CNTNAP2: variants seen among roughly 807,000 people sequenced by gnomAD.
CNTNAP2 encodes contactin associated protein 2, also known as contactin-associated protein-like 2.
In CNTNAP2, 98 loss-of-function variants were observed where a neutral mutation model predicts 155.2. The ratio of observed to expected loss-of-function variants is 0.63; its 90% CI spans 0.54 to 0.75. The LOEUF is 0.75. Ranked by LOEUF, CNTNAP2 falls within the 30% of genes least tolerant of loss-of-function variation. The pLI is 0.00. For synonymous variants in CNTNAP2, 651 were observed against 631.2 expected (o/e 1.03, Z -0.47); for missense variants, 1,727 against 1,688.1 (o/e 1.02, Z -0.40).
chr7:146,573,686 T>C (rs1217081894), intron 1 of CNTNAP2, among the ~76,000 whole-genome samples: 1 of 152,174 alleles, frequency 6.6e-6, no homozygotes, highest in Non-Finnish European at 1.5e-5. Flanking sequence ...AGTCAGTTAT[T>C]TTTACTTATC....
At chr7:146,236,931 G>A (rs1023444107) in intron 1 of CNTNAP2, among the ~76,000 whole-genome samples, 1 of 152,136 alleles carries the variant, frequency 6.6e-6, no homozygotes, top group Admixed American at 6.6e-5. Flanking sequence ...TTTCAGGGTT[G>A]AACAATGAGG....
chr7:147,061,119 G>A (rs1020266379), intron 4 of CNTNAP2, among the ~76,000 whole-genome samples: 3 of 140,208 alleles, frequency 2.1e-5, no homozygotes, highest in African/African-American at 9.4e-5. Flanking sequence ...GCCAGGGGCC[G>A]GGGAGGAAGA....
At chr7:146,915,542 A>G (rs1196182675) in intron 3 of CNTNAP2, among the ~76,000 whole-genome samples, 1 of 151,412 alleles carries the variant, frequency 6.6e-6, no homozygotes, top group Non-Finnish European at 1.5e-5. Flanking sequence ...TTGATTAAGT[A>G]TATTCTAAGT....
rs187843609 is a variant in CNTNAP2, at chr7:147,095,123, G to A, written c.551-13024G>A. Reference sequence around the variant, plus strand: ...CAACCTTCGTCTACCGGGTTCAAGCGATTCTCCTGCCTGAGCCTCCCGAGT... The same window carrying A: ...CAACCTTCGTCTACCGGGTTCAAGCAATTCTCCTGCCTGAGCCTCCCGAGT... On this transcript the variant is annotated intron_variant, in intron 4 of 23. Transcript: ENST00000361727. 6.6e-5 allele frequency among the ~76,000 whole-genome samples: 10 copies of A among 151,468 alleles called. No homozygotes were observed. The East Asian group carries it at 9.8e-4, about 15-fold the overall frequency.
rs559653916 is a variant in CNTNAP2, at chr7:148,249,559, C to T, written c.3382-17474C>T. The stretch of plus-strand genomic sequence containing the variant: ...ATGAACTGCCGACTCACACACCAAA[C>T]TGACTCCCAGATATCTAACTGATTC... On this transcript the variant is annotated intron_variant, in intron 20 of 23. Coordinates refer to ENST00000361727, the MANE Select transcript of CNTNAP2 (RefSeq NM_014141.6). Among the ~76,000 whole-genome samples, 9 of 152,338 alleles carry T rather than the reference C, an allele frequency of 5.9e-5. No individual in the cohort carries two copies. The South Asian group carries it at 1.7e-3, about 28-fold the overall frequency.
At chr7:147,516,916 C>T (rs1799139317) in intron 11 of CNTNAP2, among the ~76,000 whole-genome samples, 1 of 144,558 alleles carries the variant, frequency 6.9e-6, no homozygotes, top group Admixed American at 7.2e-5. Flanking sequence ...GGATGCAGTG[C>T]AGTGGCGCAA....
intron 1 of CNTNAP2, among the ~76,000 whole-genome samples, chr7:146,723,404 T>A (rs1379049350): frequency 1.3e-5 from 2 of 152,168 alleles, no homozygotes; most frequent in African/African-American, 4.8e-5. Flanking sequence ...ACTCACCCGA[T>A]TTGTGGTACA....
intron 8 of CNTNAP2, among the ~76,000 whole-genome samples, chr7:147,190,665 T>A (rs547563570): frequency 1.3e-5 from 2 of 152,196 alleles, no homozygotes; most frequent in African/African-American, 4.8e-5. Flanking sequence ...GAAAAAAAAA[T>A]TAATTATAAT....
intron 8 of CNTNAP2, among the ~76,000 whole-genome samples, chr7:147,148,405 A>C (rs1022305223): frequency 6.6e-6 from 1 of 151,778 alleles, no homozygotes; most frequent in African/African-American, 2.4e-5. Context: ...AAAAAAAAAA[A>C]AAAGTGGTGG....
At chr7:148,136,738 T>G (rs1210323504) in intron 16 of CNTNAP2, among the ~76,000 whole-genome samples, 3 of 152,138 alleles carry the variant, frequency 2.0e-5, no homozygotes, top group Non-Finnish European at 4.4e-5. Context: ...CCTGCAACTG[T>G]TCTCTCGATG....
At chr7:147,033,190 A>ATATATATATATG (rs1317205069) in intron 3 of CNTNAP2, among the ~76,000 whole-genome samples, 31 of 92,476 alleles carry the variant, frequency 3.4e-4, no homozygotes, top group Non-Finnish European at 6.1e-4. Context: ...ATATATATAT[A>ATATATATATATG]TATATATATA....
At chr7:146,822,331 G>T (rs1400322366) in intron 2 of CNTNAP2, among the ~76,000 whole-genome samples, 1 of 152,016 alleles carries the variant, frequency 6.6e-6, no homozygotes, top group East Asian at 1.9e-4. Flanking sequence ...TGGCGTGGGG[G>T]CAGGGGGGAG....
At chr7:146,338,045 T>TC (rs1801308816) in intron 1 of CNTNAP2, among the ~76,000 whole-genome samples, 1 of 152,098 alleles carries the variant, frequency 6.6e-6, no homozygotes, top group Admixed American at 6.6e-5. Flanking sequence ...TTTTCAACCC[T>TC]CTCACCATCA....
In CNTNAP2 at chr7:147,600,067, C is replaced by T. The variant is rs372540853; in HGVS notation, c.1897+37810C>T. 7.4e-4 allele frequency among the ~76,000 whole-genome samples: 112 copies of T among 152,234 alleles called. 1 individual carries two copies. Among genetic ancestry groups the T allele is most frequent in the African/African-American group, 2.6e-3 (106 of 41,560 alleles). Reference sequence around the variant, plus strand: ...TGAACAAGAAATGACAAATGGTTGTCAAGTACTTTTATGCTTAGAATACCA... The same window carrying T: ...TGAACAAGAAATGACAAATGGTTGTTAAGTACTTTTATGCTTAGAATACCA... On this transcript the variant is annotated intron_variant, in intron 12 of 23. Coordinates refer to ENST00000361727, the MANE Select transcript of CNTNAP2 (RefSeq NM_014141.6).
intron 14 of CNTNAP2, among the ~76,000 whole-genome samples, chr7:147,951,963 A>T (rs997556830): frequency 2.0e-5 from 3 of 151,996 alleles, no homozygotes; most frequent in African/African-American, 7.2e-5. Flanking sequence ...AATGAAAATG[A>T]AAATAAATGT....
At chr7:147,013,443 C>G (rs1009118355) in intron 3 of CNTNAP2, among the ~76,000 whole-genome samples, 4 of 152,108 alleles carry the variant, frequency 2.6e-5, no homozygotes, top group African/African-American at 9.7e-5. Flanking sequence ...CATTAAGCAT[C>G]CATTTTAGCT....
At chr7:146,753,045 T>A (rs1300184950) in intron 1 of CNTNAP2, among the ~76,000 whole-genome samples, 1 of 152,154 alleles carries the variant, frequency 6.6e-6, no homozygotes, top group Non-Finnish European at 1.5e-5. Context: ...TGGATTCAAG[T>A]TGTGCAGGAT....
chr7:148,287,398 T>C (rs1797102586), intron 21 of CNTNAP2, among the ~76,000 whole-genome samples: 1 of 152,186 alleles, frequency 6.6e-6, no homozygotes, highest in South Asian at 2.1e-4. Flanking sequence ...TCGCTCATAA[T>C]TGTATACACC....
chr7:147,734,365 C>A (rs62480754), intron 13 of CNTNAP2, among the ~76,000 whole-genome samples: 1 of 152,108 alleles, frequency 6.6e-6, no homozygotes, highest in Non-Finnish European at 1.5e-5. Flanking sequence ...AGGGATGAAG[C>A]CCACTTGATC....
Sources: gnomAD v4.1 joint callset for allele counts (sites outside exome capture counted in the v4.1 genomes callset) on GRCh38, gnomAD v4.1.1 for gene constraint, MANE v1.5 for transcripts, NCBI Gene and HGNC (gene_info 2026-07-23, HGNC 2026-07-21) for gene names.